Variants in CSMD1 observed in about 807,000 individuals in gnomAD.
CSMD1 encodes the protein CUB and Sushi multiple domains 1.
In CSMD1, 213 loss-of-function variants were observed where a neutral mutation model predicts 417.5. The observed-to-expected ratio is 0.51, with a 90% CI of 0.46 to 0.57. The LOEUF (loss-of-function observed/expected upper bound fraction) is 0.57, where lower values mean the gene tolerates loss of function less well. Ranked by LOEUF, CSMD1 falls within the 20% of genes least tolerant of loss-of-function variation. CSMD1 has a pLI of 0.00. For missense variants in CSMD1, 6,923 were observed against 4,529.7 expected (o/e 1.53, Z -15.17); for synonymous variants, 2,862 against 1,736.8 (o/e 1.65, Z -16.11).
At chr8:4,476,026 C>T (rs776032739) in intron 2 of CSMD1, among the ~76,000 whole-genome samples, 15 of 151,900 alleles carry the variant, frequency 9.9e-5, no homozygotes, top group African/African-American at 2.7e-4. Context: ...CAGACAAAAG[C>T]AATGTATTAT....
chr8:4,355,014 G>A (rs564846393), intron 3 of CSMD1, among the ~76,000 whole-genome samples: 1 of 152,056 alleles, frequency 6.6e-6, no homozygotes, highest in African/African-American at 2.4e-5. Context: ...TGTAATCCCA[G>A]CACTTTGGGA....
rs74692737 is a variant in CSMD1 at position 4,708,635 on chromosome 8, T to G, written c.86-71077A>C. Among the ~76,000 whole-genome samples, 17 of 152,184 alleles carry G rather than the reference T, an allele frequency of 1.1e-4. No homozygotes were observed. In the East Asian group the frequency reaches 3.3e-3, roughly 30 times the overall value. ...TCATTGAATGGTTAAATTTCTAGTG[T>G]TTTCTGTCATCATTATAGACACCAT... On this transcript the variant is annotated intron_variant, in intron 1 of 69. Coordinates refer to ENST00000635120, the MANE Select transcript of CSMD1 (RefSeq NM_033225.6).
At chr8:4,960,669 G>A (rs766363657) in intron 1 of CSMD1, among the ~76,000 whole-genome samples, 24 of 152,126 alleles carry the variant, frequency 1.6e-4, no homozygotes, top group Middle Eastern at 3.4e-3. Flanking sequence ...CCATTCATAC[G>A]TACATACATA....
chr8:3,844,571 A>G (rs1192700431), intron 5 of CSMD1, among the ~76,000 whole-genome samples: 2 of 152,140 alleles, frequency 1.3e-5, no homozygotes, highest in African/African-American at 4.8e-5. Context: ...GGAAAGTAAT[A>G]ACTAGAGGCC....
At chr8:3,760,614 C>T (rs377350780) in intron 5 of CSMD1, among the ~76,000 whole-genome samples, 8 of 152,152 alleles carry the variant, frequency 5.3e-5, no homozygotes, top group East Asian at 1.9e-4. Context: ...TCATGCATTT[C>T]GCGTATGTGA....
intron 3 of CSMD1, among the ~76,000 whole-genome samples, chr8:4,296,797 A>C (rs752857228): frequency 2.7e-5 from 4 of 150,042 alleles, no homozygotes; most frequent in Non-Finnish European, 5.9e-5. Context: ...GAAAATGAAT[A>C]GAAAATGTGA....
chr8:3,545,752 G>A (rs1244045415), intron 10 of CSMD1, among the ~76,000 whole-genome samples: 3 of 152,168 alleles, frequency 2.0e-5, no homozygotes, highest in Admixed American at 6.5e-5. Flanking sequence ...AGGGCTACTG[G>A]AATCTCAAAT....
intron 3 of CSMD1, among the ~76,000 whole-genome samples, chr8:4,396,785 AC>A (rs1023542689): frequency 6.6e-5 from 10 of 152,142 alleles, no homozygotes; most frequent in African/African-American, 2.4e-4. Flanking sequence ...GGAATAGAAA[AC>A]CAAACATCGT....
At chr8:3,598,984 G>C (rs1801224040) in intron 8 of CSMD1, among the ~76,000 whole-genome samples, 1 of 152,180 alleles carries the variant, frequency 6.6e-6, no homozygotes. Context: ...AGGAGGCTGA[G>C]AGAGGAGAAT....
intron 2 of CSMD1, among the ~76,000 whole-genome samples, chr8:4,551,854 A>ATTTTT (rs776721276): frequency 4.9e-4 from 68 of 139,352 alleles, no homozygotes; most frequent in African/African-American, 1.7e-3. Flanking sequence ...AATTTTTTGT[A>ATTTTT]TTTTTTTTTT....
At chr8:4,639,289 A>C (rs1194086880) in intron 1 of CSMD1, among the ~76,000 whole-genome samples, 2 of 137,304 alleles carry the variant, frequency 1.5e-5, no homozygotes, top group African/African-American at 2.8e-5. Flanking sequence ...AGTTACCTGT[A>C]ACAGTCTGCC....
chr8:3,464,433 C>G (rs1283800200), intron 12 of CSMD1, among the ~76,000 whole-genome samples: 1 of 151,934 alleles, frequency 6.6e-6, no homozygotes, highest in Non-Finnish European at 1.5e-5. Flanking sequence ...TTTCTGTGGA[C>G]TAACAATCAG....
chr8:3,755,455 T>C (rs2720865), intron 5 of CSMD1, among the ~76,000 whole-genome samples: 64,449 of 152,122 alleles, frequency 0.42, 13,754 homozygotes, highest in South Asian at 0.49. Context: ...AAATGATGCT[T>C]ATTAGTGTAG....
At chr8:3,520,731 G>T (rs1004844755) in intron 10 of CSMD1, among the ~76,000 whole-genome samples, 1 of 151,452 alleles carries the variant, frequency 6.6e-6, no homozygotes, top group Non-Finnish European at 1.5e-5. Context: ...ACCTTTTTTT[G>T]TGTGTATATC....
chr8:4,677,446 G>C (rs1287599664), intron 1 of CSMD1, among the ~76,000 whole-genome samples: 1 of 151,814 alleles, frequency 6.6e-6, no homozygotes, highest in African/African-American at 2.4e-5. Flanking sequence ...CTCCAACCTT[G>C]TTTCAACACA....
chr8:3,623,649 T>A (rs1159487421), intron 7 of CSMD1, among the ~76,000 whole-genome samples: 1 of 152,154 alleles, frequency 6.6e-6, no homozygotes, highest in Non-Finnish European at 1.5e-5. Flanking sequence ...ACCCATTTTA[T>A]AAGAAAGAAA....
intron 2 of CSMD1, among the ~76,000 whole-genome samples, chr8:4,560,470 T>A (rs1390310929): frequency 6.6e-6 from 1 of 152,200 alleles, no homozygotes; most frequent in Non-Finnish European, 1.5e-5. Context: ...CAAATGTATT[T>A]TAGTAACCTA....
At chr8:4,840,682 A>G (rs760181422) in intron 1 of CSMD1, among the ~76,000 whole-genome samples, 49 of 152,190 alleles carry the variant, frequency 3.2e-4, no homozygotes, top group Non-Finnish European at 1.0e-4. Flanking sequence ...GCCTGTTATT[A>G]CTCAGTGCCT....
At chr8:4,725,489 G>T (rs1199433141) in intron 1 of CSMD1, among the ~76,000 whole-genome samples, 1 of 152,094 alleles carries the variant, frequency 6.6e-6, no homozygotes, top group Non-Finnish European at 1.5e-5. Flanking sequence ...ATAGTTACGT[G>T]AGCTCCACAA....
Sources: allele counts gnomAD v4.1 joint callset (sites outside exome capture counted in the v4.1 genomes callset), GRCh38; gene constraint gnomAD v4.1.1; transcripts MANE v1.5; gene names NCBI Gene and HGNC (gene_info 2026-07-23, HGNC 2026-07-21).